CADM2: variants seen among roughly 807,000 people sequenced by gnomAD.
CADM2 encodes the protein cell adhesion molecule 2.
CADM2 carries 12 observed loss-of-function variants against 49.8 expected under a neutral mutation model. The observed-to-expected ratio is 0.24, with a 90% confidence interval of 0.15 to 0.39. CADM2 has a LOEUF of 0.39. Ranked by LOEUF, CADM2 falls within the 10% of genes least tolerant of loss-of-function variation. The pLI is 1.00. For synonymous variants in CADM2, 214 were observed against 175.4 expected (o/e 1.22, Z -1.74); for missense variants, 378 against 492.3 (o/e 0.77, Z 2.20).
chr3:85,683,269 C>T (rs766754723), intron 1 of CADM2, among the ~76,000 whole-genome samples: 11 of 152,036 alleles, frequency 7.2e-5, no homozygotes, highest in Non-Finnish European at 1.5e-4. Flanking sequence ...GTTCACTATT[C>T]TGTCTAAAAG....
chr3:84,976,434 G>GA (rs1260115468), intron 1 of CADM2, among the ~76,000 whole-genome samples: 1 of 151,594 alleles, frequency 6.6e-6, no homozygotes, highest in Admixed American at 6.6e-5. Flanking sequence ...AGTATTTAGT[G>GA]AAAAATCCAT....
chr3:85,389,362 A>T (rs2034405442), intron 1 of CADM2, among the ~76,000 whole-genome samples: 1 of 152,138 alleles, frequency 6.6e-6, no homozygotes, highest in Admixed American at 6.5e-5. Flanking sequence ...AATTGTCTTC[A>T]TTTTAAAGGA....
intron 1 of CADM2, among the ~76,000 whole-genome samples, chr3:85,022,751 C>G (rs2034559967): frequency 6.6e-6 from 1 of 152,004 alleles, no homozygotes; most frequent in African/African-American, 2.4e-5. Context: ...ATATATTAAT[C>G]TGTATCTACA....
chr3:85,974,433 A>C (rs964877420), intron 8 of CADM2, among the ~76,000 whole-genome samples: 1 of 151,646 alleles, frequency 6.6e-6, no homozygotes, highest in Admixed American at 6.6e-5. Context: ...TAATAAAACA[A>C]GCCAGACATG....
At chr3:85,278,451 C>G (rs749548111) in intron 1 of CADM2, among the ~76,000 whole-genome samples, 3 of 151,278 alleles carry the variant, frequency 2.0e-5, no homozygotes, top group Non-Finnish European at 4.4e-5. Flanking sequence ...ATTTTAAAGC[C>G]TAATAGGACT....
rs143021583 is a variant in CADM2 at position 85,482,294 on chromosome 3, T to G, written c.62-244228T>G. Among the ~76,000 whole-genome samples, 358 of 151,944 alleles carry G rather than the reference T, an allele frequency of 2.4e-3. 5 individuals carry two copies. The highest frequency in any genetic ancestry group is 8.3e-3 in the African/African-American group (346 of 41,532). Reference sequence around the variant, plus strand: ...TCAACTAAAGTTTCAAGTTCTATATTTAATAAAACAGTTTGGGTTTATTTT... The same window carrying G: ...TCAACTAAAGTTTCAAGTTCTATATGTAATAAAACAGTTTGGGTTTATTTT... On this transcript the variant is annotated intron_variant, in intron 1 of 9. Coordinates refer to ENST00000383699, the MANE Select transcript of CADM2 (RefSeq NM_001167675.2).
chr3:85,614,402 G>A (rs1473136574), intron 1 of CADM2, among the ~76,000 whole-genome samples: 3 of 151,684 alleles, frequency 2.0e-5, no homozygotes, highest in African/African-American at 7.2e-5. Context: ...GTTAAAATAA[G>A]TAAACTTCAT....
intron 2 of CADM2, among the ~76,000 whole-genome samples, chr3:85,756,913 G>T (rs1392874534): frequency 1.3e-5 from 2 of 152,114 alleles, no homozygotes; most frequent in Non-Finnish European, 2.9e-5. Context: ...TGGATCTCCT[G>T]CACAGTAGAA....
chr3:85,893,847 AC>A (rs1714821942), intron 5 of CADM2, among the ~76,000 whole-genome samples: 1 of 152,152 alleles, frequency 6.6e-6, no homozygotes, highest in Non-Finnish European at 1.5e-5. Flanking sequence ...TCAGGAAACA[AC>A]AGGTGCTAGA....
chr3:85,306,936 T>C (rs2044226307), intron 1 of CADM2, among the ~76,000 whole-genome samples: 2 of 151,656 alleles, frequency 1.3e-5, no homozygotes, highest in South Asian at 2.1e-4. Context: ...ACATCCCTTA[T>C]GGCCTTTTTC....
At chr3:84,982,737 A>ATATATATAT (rs1553663805) in intron 1 of CADM2, among the ~76,000 whole-genome samples, 3 of 115,376 alleles carry the variant, frequency 2.6e-5, no homozygotes, top group East Asian at 2.3e-4. Context: ...ATATATATAC[A>ATATATATAT]TTTTTTGTTT....
chr3:85,807,959 T>G (rs2072559002), intron 3 of CADM2, among the ~76,000 whole-genome samples: 1 of 152,184 alleles, frequency 6.6e-6, no homozygotes, highest in Non-Finnish European at 1.5e-5. Context: ...GAGAGTCAGA[T>G]CTGAATTTAA....
intron 1 of CADM2, among the ~76,000 whole-genome samples, chr3:85,022,889 C>A (rs2034566285): frequency 6.6e-6 from 1 of 151,920 alleles, no homozygotes; most frequent in African/African-American, 2.4e-5. Context: ...TATATTAGAC[C>A]TTTTTCTTAT....
chr3:85,856,100 G>A (rs963475365), intron 3 of CADM2, among the ~76,000 whole-genome samples: 1 of 152,148 alleles, frequency 6.6e-6, no homozygotes, highest in African/African-American at 2.4e-5. Flanking sequence ...TTTTGCTAGA[G>A]TTTAGTGGTT....
At chr3:86,024,535 T>C (rs1733626862) in intron 8 of CADM2, among the ~76,000 whole-genome samples, 1 of 152,188 alleles carries the variant, frequency 6.6e-6, no homozygotes, top group South Asian at 2.1e-4. Context: ...AATTAGTATG[T>C]TGTTAGTAAT....
chr3:85,089,550 G>C (rs1019145161), intron 1 of CADM2, among the ~76,000 whole-genome samples: 1 of 152,036 alleles, frequency 6.6e-6, no homozygotes, highest in Non-Finnish European at 1.5e-5. Context: ...TTCAATAAAC[G>C]TAATTAAATT....
chr3:85,749,915 G>A (rs2068793884), intron 2 of CADM2, among the ~76,000 whole-genome samples: 1 of 151,904 alleles, frequency 6.6e-6, no homozygotes, highest in African/African-American at 2.4e-5. Context: ...TGGGTGCTTT[G>A]TGTATGGTAT....
At chr3:85,511,961 G>A (rs1264771857) in intron 1 of CADM2, 4 of 774,758 alleles carry the variant, frequency 5.2e-6, no homozygotes, top group Non-Finnish European at 6.3e-6. Flanking sequence ...AAATATATAT[G>A]TGGTTTTGAA....
chr3:85,469,944 C>G (rs752093791), intron 1 of CADM2, among the ~76,000 whole-genome samples: 1 of 152,074 alleles, frequency 6.6e-6, no homozygotes, highest in South Asian at 2.1e-4. Context: ...TGGAGCATGA[C>G]AAGCCAGGAA....
Sources: allele counts gnomAD v4.1 joint callset (sites outside exome capture counted in the v4.1 genomes callset), GRCh38; gene constraint gnomAD v4.1.1; transcripts MANE v1.5; gene names NCBI Gene and HGNC (gene_info 2026-07-23, HGNC 2026-07-21).